TPST2: variants seen among roughly 807,000 people sequenced by gnomAD.
TPST2 encodes the protein protein-tyrosine sulfotransferase 2.
TPST2 carries 16 observed loss-of-function variants against 27.8 expected under a neutral mutation model. The observed-to-expected ratio is 0.58, with a 90% CI of 0.39 to 0.88. The LOEUF is 0.88. TPST2 is among the 40% of genes least tolerant of loss of function. The pLI is 0.00. For synonymous variants in TPST2, 229 were observed against 231.7 expected, an observed-to-expected ratio of 0.99 and a Z score of 0.10; for missense variants, 464 against 543.1, an observed-to-expected ratio of 0.85 and a Z score of 1.45.
chr22:26,528,918 G>T (rs1440757903), intron 5 of TPST2, among the ~76,000 whole-genome samples: 1 of 151,796 alleles, frequency 6.6e-6, no homozygotes, highest in Non-Finnish European at 1.5e-5. Context: ...GGAGGCAGAG[G>T]TTGCAGTGAG....
At chr22:26,551,131 A>C (rs1926446420) in intron 1 of TPST2, among the ~76,000 whole-genome samples, 2 of 143,874 alleles carry the variant, frequency 1.4e-5, no homozygotes, top group African/African-American at 5.3e-5. Context: ...CTCTCTTTAC[A>C]AAAATTAGCT....
chr22:26,545,875 T>A (rs1009609215), intron 1 of TPST2, among the ~76,000 whole-genome samples: 5 of 151,684 alleles, frequency 3.3e-5, no homozygotes, highest in African/African-American at 1.2e-4. Context: ...AGCCCAGGAG[T>A]TAGAGACCAG....
chr22:26,574,925 G>T (rs1927771653), intron 1 of TPST2, among the ~76,000 whole-genome samples: 1 of 152,110 alleles, frequency 6.6e-6, no homozygotes, highest in South Asian at 2.1e-4. Flanking sequence ...CTGGCTTTCT[G>T]GACCATAAAA....
intron 1 of TPST2, among the ~76,000 whole-genome samples, chr22:26,569,777 C>T (rs1428123752): frequency 6.6e-6 from 1 of 151,846 alleles, no homozygotes; most frequent in African/African-American, 2.4e-5. Flanking sequence ...TGGTAAAACC[C>T]TGTTTCTACT....
At chr22:26,577,581 C>T (rs1927903143) in intron 1 of TPST2, among the ~76,000 whole-genome samples, 1 of 151,104 alleles carries the variant, frequency 6.6e-6, no homozygotes, top group African/African-American at 2.4e-5. Context: ...GAACTCCTGA[C>T]CTTGTAATCT....
intron 1 of TPST2, among the ~76,000 whole-genome samples, chr22:26,546,234 A>T (rs1209767094): frequency 6.6e-6 from 1 of 152,038 alleles, no homozygotes; most frequent in Non-Finnish European, 1.5e-5. Flanking sequence ...CTGAAATATC[A>T]GGCCAATTAG....
At chr22:26,529,435 G>T (rs926261227) in intron 5 of TPST2, among the ~76,000 whole-genome samples, 2 of 152,172 alleles carry the variant, frequency 1.3e-5, no homozygotes, top group African/African-American at 4.8e-5. Context: ...CAGCCAGAAG[G>T]TTGGAACTTT....
intron 1 of TPST2, among the ~76,000 whole-genome samples, chr22:26,545,149 C>T (rs375164312): frequency 6.6e-4 from 100 of 152,338 alleles, no homozygotes; most frequent in African/African-American, 2.3e-3. Flanking sequence ...GAATATGCTG[C>T]TTCCTGGAAT....
At chr22:26,529,533 CACCCATG>C (rs1348151768) in intron 5 of TPST2, among the ~76,000 whole-genome samples, 2 of 152,152 alleles carry the variant, frequency 1.3e-5, no homozygotes, top group Non-Finnish European at 2.9e-5. Context: ...ATTGGGCAAT[CACCCATG>C]ACCCATGATT....
chr22:26,551,947 G>A (rs1431854131), intron 1 of TPST2, among the ~76,000 whole-genome samples: 2 of 139,792 alleles, frequency 1.4e-5, no homozygotes, highest in South Asian at 2.3e-4. Flanking sequence ...AGAATACAGC[G>A]GTGCAATCAT....
chr22:26,580,570 T>A (rs1021087148), intron 1 of TPST2, among the ~76,000 whole-genome samples: 8 of 152,372 alleles, frequency 5.3e-5, no homozygotes, highest in East Asian at 1.9e-4. Context: ...TTCATTTTTG[T>A]TCAATGGATC....
Position 26,525,679 on chromosome 22 carries a change from C to T in TPST2, c.*596G>A, listed in dbSNP as rs1180159893. 6.6e-6 allele frequency: 1 copy of T among 152,260 alleles called. No homozygotes were observed. The highest frequency in any genetic ancestry group is 2.4e-5 in the African/African-American group (1 of 41,412). The allele number at this position is 152,260 out of a possible 1,614,324, so 9.4% of individuals were successfully genotyped here. On this transcript the variant is annotated 3_prime_UTR_variant, in exon 7 of 7. Coordinates refer to ENST00000338754, the MANE Select transcript of TPST2 (RefSeq NM_003595.5). Reference sequence around the variant, plus strand: ...TGTGCCTTACATGCACCTATATTCTCCAGCTTTTTGCTCATCACAAATCTA... The same window carrying T: ...TGTGCCTTACATGCACCTATATTCTTCAGCTTTTTGCTCATCACAAATCTA...
At chr22:26,571,134 G>A (rs560628385) in intron 1 of TPST2, among the ~76,000 whole-genome samples, 43 of 152,286 alleles carry the variant, frequency 2.8e-4, no homozygotes, top group African/African-American at 1.0e-3. Flanking sequence ...TTGCCTTACA[G>A]GTTTGACCCC....
chr22:26,585,959 C>T (rs1928329208), intron 1 of TPST2, among the ~76,000 whole-genome samples: 1 of 152,120 alleles, frequency 6.6e-6, no homozygotes, highest in South Asian at 2.1e-4. Flanking sequence ...AGGAGAATGG[C>T]GTGAACCCGG....
intron 1 of TPST2, among the ~76,000 whole-genome samples, chr22:26,567,554 C>T (rs535505275): frequency 2.6e-5 from 4 of 152,340 alleles, no homozygotes; most frequent in African/African-American, 9.6e-5. Context: ...AACTGAGGCT[C>T]ACACATGTGA....
intron 6 of TPST2, among the ~76,000 whole-genome samples, chr22:26,527,136 G>A (rs901670668): frequency 6.6e-6 from 1 of 152,182 alleles, no homozygotes; most frequent in African/African-American, 2.4e-5. Context: ...AATAATGACA[G>A]AGTCCTTGCA....
chr22:26,530,299 G>A (rs1452184924), intron 5 of TPST2, among the ~76,000 whole-genome samples: 2 of 152,042 alleles, frequency 1.3e-5, no homozygotes, highest in Admixed American at 1.3e-4. Context: ...CAATTGTATA[G>A]TATGAGCTGC....
chr22:26,576,500 T>C (rs1927839121), intron 1 of TPST2, among the ~76,000 whole-genome samples: 1 of 152,020 alleles, frequency 6.6e-6, no homozygotes, highest in Non-Finnish European at 1.5e-5. Context: ...GCCAGCATTT[T>C]AACACGTGCA....
At chr22:26,551,883 CTTTT>C (rs1163793644) in intron 1 of TPST2, among the ~76,000 whole-genome samples, 20 of 66,424 alleles carry the variant, frequency 3.0e-4, no homozygotes, top group Non-Finnish European at 4.4e-4. Flanking sequence ...TTTTCTTTTT[CTTTT>C]TTTTTTTTTT....
Sources: gnomAD v4.1 joint callset for allele counts (sites outside exome capture counted in the v4.1 genomes callset) on GRCh38, gnomAD v4.1.1 for gene constraint, MANE v1.5 for transcripts, NCBI Gene and HGNC (gene_info 2026-07-23, HGNC 2026-07-21) for gene names.